The following CACNA2D3 variants were observed in gnomAD, a reference collection of about 807,000 sequenced individuals.
CACNA2D3 encodes calcium voltage-gated channel auxiliary subunit alpha2delta 3.
A neutral mutation model predicts 160.6 loss-of-function variants in CACNA2D3; 60 were observed. The observed-to-expected ratio is 0.37, with a 90% CI of 0.30 to 0.46. The LOEUF is 0.46. Ranked by LOEUF, CACNA2D3 falls within the 20% of genes least tolerant of loss-of-function variation. The pLI is 1.00. For missense variants in CACNA2D3, 1,205 were observed against 1,365.0 expected (o/e 0.88, Z 1.85); for synonymous variants, 558 against 492.9 (o/e 1.13, Z -1.75).
intron 2 of CACNA2D3, among the ~76,000 whole-genome samples, chr3:54,194,966 G>A (rs557643452): frequency 1.4e-4 from 22 of 152,300 alleles, no homozygotes; most frequent in African/African-American, 4.8e-4. Flanking sequence ...CTCCTGCCTG[G>A]CTTTTCTCTC....
chr3:54,613,863 C>G (rs991728257), intron 9 of CACNA2D3, among the ~76,000 whole-genome samples: 3 of 152,194 alleles, frequency 2.0e-5, no homozygotes, highest in African/African-American at 7.2e-5. Flanking sequence ...ATCTCATGCT[C>G]TAGCAGCCCT....
chr3:54,187,889 C>T (rs1365147234), intron 2 of CACNA2D3, among the ~76,000 whole-genome samples: 2 of 152,110 alleles, frequency 1.3e-5, no homozygotes, highest in Non-Finnish European at 2.9e-5. Flanking sequence ...TGCTCTGTGG[C>T]CGGGTTCCTA....
At chr3:54,397,446 A>G (rs200975948) in intron 4 of CACNA2D3, among the ~76,000 whole-genome samples, 3,198 of 79,176 alleles carry the variant, frequency 0.04, 61 homozygotes, top group East Asian at 0.081. Context: ...TTTCTCTTGT[A>G]GGCATTTAGT....
At chr3:54,730,490 ATCTT>A (rs142784774) in intron 11 of CACNA2D3, among the ~76,000 whole-genome samples, 24,861 of 151,812 alleles carry the variant, frequency 0.16, 2,286 homozygotes, top group Non-Finnish European at 0.21. Flanking sequence ...TTGAAACAGA[ATCTT>A]TCTTTCTTTC....
At chr3:54,447,822 T>C (rs1361042620) in intron 4 of CACNA2D3, among the ~76,000 whole-genome samples, 1 of 152,210 alleles carries the variant, frequency 6.6e-6, no homozygotes, top group Admixed American at 6.5e-5. Context: ...TTAGATGACA[T>C]TTCTGGCCAT....
intron 9 of CACNA2D3, among the ~76,000 whole-genome samples, chr3:54,588,412 G>T (rs960047879): frequency 3.9e-5 from 6 of 152,168 alleles, no homozygotes; most frequent in African/African-American, 1.4e-4. Context: ...TCAGGAACAG[G>T]TAAGGATGTC....
At chr3:54,359,373 T>C (rs910713620) in intron 3 of CACNA2D3, among the ~76,000 whole-genome samples, 1 of 152,116 alleles carries the variant, frequency 6.6e-6, no homozygotes, top group African/African-American at 2.4e-5. Context: ...CAGGCATGGG[T>C]AGAGGTCAGA....
chr3:54,479,586 C>T (rs1362600192), intron 4 of CACNA2D3, among the ~76,000 whole-genome samples: 7 of 152,186 alleles, frequency 4.6e-5, no homozygotes, highest in African/African-American at 1.7e-4. Flanking sequence ...ATGATGAAGT[C>T]CTGAGCTTGG....
chr3:54,733,301 C>T (rs1701426741), intron 11 of CACNA2D3, among the ~76,000 whole-genome samples: 1 of 152,138 alleles, frequency 6.6e-6, no homozygotes, highest in Admixed American at 6.6e-5. Flanking sequence ...CATAGATTTT[C>T]AGTTTTTCCT....
At chr3:54,277,897 A>G (rs1702783354) in intron 2 of CACNA2D3, among the ~76,000 whole-genome samples, 1 of 152,146 alleles carries the variant, frequency 6.6e-6, no homozygotes, top group African/African-American at 2.4e-5. Flanking sequence ...GCAATTGTGA[A>G]TGGGAGTTCC....
chr3:54,839,140 C>T (rs533319032), intron 16 of CACNA2D3, among the ~76,000 whole-genome samples: 1 of 152,180 alleles, frequency 6.6e-6, no homozygotes, highest in African/African-American at 2.4e-5. Flanking sequence ...CGCCTGTAGT[C>T]CCAGCTGCTC....
chr3:54,320,332 A>G (rs1017639741), intron 2 of CACNA2D3, 110 bp from the exon 3 acceptor site: 1 of 552,098 alleles, frequency 1.8e-6, no homozygotes, highest in Non-Finnish European at 3.2e-6. Context: ...AGAAGCAGTC[A>G]TGGTGTAATT....
At chr3:54,312,827 A>G (rs1004927316) in intron 2 of CACNA2D3, among the ~76,000 whole-genome samples, 1 of 152,212 alleles carries the variant, frequency 6.6e-6, no homozygotes, top group African/African-American at 2.4e-5. Flanking sequence ...AATGTGACAC[A>G]GAATGCGTTC....
At chr3:54,690,984 A>G (rs368580802) in intron 11 of CACNA2D3, among the ~76,000 whole-genome samples, 3 of 152,068 alleles carry the variant, frequency 2.0e-5, no homozygotes, top group East Asian at 1.9e-4. Context: ...GTGGCCTACA[A>G]ATGGCAAGGA....
rs6764537 is a variant in CACNA2D3, at chr3:54,334,544, T to C, written c.321+13986T>C. On this transcript the variant is annotated intron_variant, in intron 3 of 37. Transcript: ENST00000474759. ...ACTGACAGTGAGACCTGAACCTCCC[T>C]GAGTCTCAGTTTTCTTGTCTGTGAA... 2.4e-3 allele frequency among the ~76,000 whole-genome samples: 365 copies of C among 152,306 alleles called. 1 individual carries two copies. The highest frequency in any genetic ancestry group is 3.1e-3 in the Non-Finnish European group (214 of 68,008).
chr3:54,544,111 T>G (rs1262109031), intron 5 of CACNA2D3, among the ~76,000 whole-genome samples: 1 of 152,220 alleles, frequency 6.6e-6, no homozygotes, highest in Non-Finnish European at 1.5e-5. Context: ...GTATGAATTT[T>G]TACTGATCCC....
chr3:54,123,733 G>GTA (rs1285069417), intron 2 of CACNA2D3, 139 bp downstream of exon 2: 4 of 710,750 alleles, frequency 5.6e-6, no homozygotes, highest in Non-Finnish European at 1.0e-5. Context: ...TCTTGGCATT[G>GTA]TACTATGCAG....
chr3:54,285,984 CAG>C (rs1315012875), intron 2 of CACNA2D3, among the ~76,000 whole-genome samples: 7 of 152,282 alleles, frequency 4.6e-5, no homozygotes, highest in Middle Eastern at 3.4e-3. Context: ...GGGGAAAAAA[CAG>C]AGCAGAAAAA....
intron 16 of CACNA2D3, among the ~76,000 whole-genome samples, chr3:54,845,641 T>A (rs1698915985): frequency 6.6e-6 from 1 of 152,266 alleles, no homozygotes; most frequent in African/African-American, 2.4e-5. Context: ...ATTATTTAAA[T>A]AAGTGCAGTG....
Sources: allele counts gnomAD v4.1 joint callset (sites outside exome capture counted in the v4.1 genomes callset), GRCh38; gene constraint gnomAD v4.1.1; transcripts MANE v1.5; gene names NCBI Gene and HGNC (gene_info 2026-07-23, HGNC 2026-07-21).